The following RGS8 variants were observed in gnomAD, a reference collection of about 807,000 sequenced individuals.
RGS8 encodes the protein regulator of G-protein signaling 8.
Under a neutral mutation model 21.7 loss-of-function variants are expected in RGS8, and 8 were observed. That is an observed-to-expected ratio of 0.37 (90% CI 0.22 to 0.66). The LOEUF (loss-of-function observed/expected upper bound fraction) is 0.66, where lower values mean the gene tolerates loss of function less well. RGS8 is among the 30% of genes least tolerant of loss of function. RGS8 has a pLI of 0.59. For missense variants in RGS8, 157 were observed against 217.9 expected (o/e 0.72, Z 1.76); for synonymous variants, 80 against 83.6 (o/e 0.96, Z 0.24).
At chr1:182,654,133 A>C (rs1367959774) in intron 5 of RGS8, among the ~76,000 whole-genome samples, 1 of 152,220 alleles carries the variant, frequency 6.6e-6, no homozygotes, top group Non-Finnish European at 1.5e-5. Context: ...AGCTTAGAGA[A>C]GTGGAATACA....
In RGS8 at chr1:182,684,132, T is replaced by C. The variant is rs1370374993; in HGVS notation, n.221+224A>G. 6.6e-6 allele frequency among the ~76,000 whole-genome samples: 1 copy of C among 152,212 alleles called. No homozygotes were observed. Among genetic ancestry groups the C allele is most frequent in the Non-Finnish European group, 1.5e-5 (1 of 68,038 alleles). ...CAAAGGACATTTGAGGCTTAGCACC[T>C]GCTAACTGGGAAGAACAGGCATATT... On this transcript the variant is annotated intron_variant and non_coding_transcript_variant, in intron 1 of 4. Transcript: ENST00000515211. This position sits in a 1 kb window ranked among gnomAD's most constrained non-coding sequence, Gnocchi z 4.2.
chr1:182,672,251 G>C (rs1664205067), upstream of RGS8: 1 of 177,666 alleles, frequency 5.6e-6, no homozygotes, highest in Admixed American at 5.5e-5. Context: ...GGAGCGTAAA[G>C]ATCTTGCCCC....
At chr1:182,735,347 T>G in the RGS8 span, among the ~76,000 whole-genome samples, 2 of 152,298 alleles carry the variant, frequency 1.3e-5, no homozygotes, top group East Asian at 3.9e-4. Context: ...AATTTAACAT[T>G]AGGAAAACTG....
At chr1:182,668,415 C>T (rs1663980642) in intron 3 of RGS8, among the ~76,000 whole-genome samples, 1 of 152,146 alleles carries the variant, frequency 6.6e-6, no homozygotes, top group Non-Finnish European at 1.5e-5. Flanking sequence ...CCTCTTTTTC[C>T]TAGGGGTGGG....
At chr1:182,664,648 T>G (rs1288344219) in intron 5 of RGS8, among the ~76,000 whole-genome samples, 1 of 152,260 alleles carries the variant, frequency 6.6e-6, no homozygotes, top group African/African-American at 2.4e-5. Context: ...TATACATTTG[T>G]CATTACCTTG....
chr1:182,673,290 C>A (rs1664249823), upstream of RGS8, among the ~76,000 whole-genome samples: 1 of 152,306 alleles, frequency 6.6e-6, no homozygotes, highest in Non-Finnish European at 1.5e-5. Flanking sequence ...ACTCAACAAT[C>A]CTATGCCACA....
intron 1 of RGS8, among the ~76,000 whole-genome samples, chr1:182,682,673 C>T (rs995450467): frequency 3.9e-5 from 6 of 152,164 alleles, no homozygotes; most frequent in African/African-American, 1.4e-4. Context: ...GTGGAGGGCC[C>T]AGGGTAATTC....
At position 182,648,239 on chromosome 1, in the gene RGS8, C is replaced by T; in HGVS notation, c.258G>A (p.Trp86Ter). The T allele has an allele frequency of 6.2e-7, 1 of 1,613,782 alleles. No individual in the cohort carries two copies. Among genetic ancestry groups the T allele is most frequent in the Non-Finnish European group, 8.5e-7 (1 of 1,179,824 alleles). The change falls in exon 6 of 7, where the codon TGG becomes TGA. Residue 86 changes from tryptophan to a stop codon, truncating the protein, a stop_gained. Coordinates refer to ENST00000483095, the Ensembl canonical transcript of RGS8. LOFTEE classifies it high-confidence loss of function. ...TCTTCTTGAACTCCTCACAGGCCAACCAGAATTCCAGGTTCTCCTCACTGA... is the reference window on the plus strand; with the variant it reads ...TCTTCTTGAACTCCTCACAGGCCAATCAGAATTCCAGGTTCTCCTCACTGA...
the RGS8 span, among the ~76,000 whole-genome samples, chr1:182,722,619 A>T: frequency 6.6e-6 from 1 of 151,850 alleles, no homozygotes; most frequent in Non-Finnish European, 1.5e-5. Context: ...CATCCCTCCC[A>T]TCTCCACCTC....
the RGS8 span, among the ~76,000 whole-genome samples, chr1:182,741,787 T>A: frequency 1.2e-4 from 12 of 102,670 alleles, no homozygotes; most frequent in African/African-American, 4.0e-4. Flanking sequence ...ACGGGGCGGC[T>A]GGCCGCGCAG....
At chr1:182,707,575 G>T in the RGS8 span, among the ~76,000 whole-genome samples, 2 of 152,182 alleles carry the variant, frequency 1.3e-5, no homozygotes, top group East Asian at 3.8e-4. Flanking sequence ...GGGGCCAGAT[G>T]ATCTTTATGG....
At chr1:182,643,342 G>C (rs1233474929), downstream of RGS8, 1 of 67,468 alleles carries the variant, frequency 1.5e-5, no homozygotes, top group African/African-American at 6.5e-5. Context: ...CCCCCGCGCT[G>C]TGTTCCTCCT....
At chr1:182,688,341 ACT>A (rs1196161054), upstream of RGS8, among the ~76,000 whole-genome samples, 2 of 151,588 alleles carry the variant, frequency 1.3e-5, no homozygotes, top group African/African-American at 4.9e-5. Context: ...ACACACACAC[ACT>A]TTCTCTCTCG....
the RGS8 span, among the ~76,000 whole-genome samples, chr1:182,690,007 C>T: frequency 6.6e-6 from 1 of 152,092 alleles, no homozygotes; most frequent in Non-Finnish European, 1.5e-5. Flanking sequence ...TTTCCATAGG[C>T]AGAATGTGGG....
At chr1:182,745,034 A>G in the RGS8 span, among the ~76,000 whole-genome samples, 1 of 152,212 alleles carries the variant, frequency 6.6e-6, no homozygotes, top group Non-Finnish European at 1.5e-5. Context: ...TTTTGAAATT[A>G]AATTTTGACT....
At chr1:182,673,390 C>A (rs558991751), upstream of RGS8, among the ~76,000 whole-genome samples, 7 of 152,238 alleles carry the variant, frequency 4.6e-5, no homozygotes, top group South Asian at 1.2e-3. Flanking sequence ...ACCCAACATG[C>A]CAGAGGAGGC....
At chr1:182,728,065 A>G in the RGS8 span, among the ~76,000 whole-genome samples, 1 of 152,142 alleles carries the variant, frequency 6.6e-6, no homozygotes, top group African/African-American at 2.4e-5. Context: ...TGTTCATTTT[A>G]CAGAAATTGT....
the RGS8 span, among the ~76,000 whole-genome samples, chr1:182,691,269 T>C: frequency 2.6e-5 from 4 of 152,160 alleles, no homozygotes; most frequent in Admixed American, 2.6e-4. Flanking sequence ...CATCATGGAG[T>C]AGCCCAAATT....
chr1:182,711,217 G>A, the RGS8 span, among the ~76,000 whole-genome samples: 14 of 152,234 alleles, frequency 9.2e-5, no homozygotes, highest in East Asian at 2.5e-3. Context: ...CTTTTTCAGG[G>A]AACACTTGAA....
Sources: allele counts gnomAD v4.1 joint callset (sites outside exome capture counted in the v4.1 genomes callset), GRCh38; gene constraint gnomAD v4.1.1; non-coding constraint Gnocchi (gnomAD v3.1); transcripts MANE v1.5; gene names NCBI Gene and HGNC (gene_info 2026-07-23, HGNC 2026-07-21).